CSMD3: variants seen among roughly 807,000 people sequenced by gnomAD.
CSMD3 encodes CUB and Sushi multiple domains 3, also known as CUB and sushi domain-containing protein 3.
In CSMD3, 177 loss-of-function variants were observed where a neutral mutation model predicts 435.2. The observed-to-expected ratio is 0.41, with a 90% confidence interval of 0.36 to 0.46. The LOEUF (loss-of-function observed/expected upper bound fraction) is 0.46, where lower values mean the gene tolerates loss of function less well. Among genes scored for constraint, CSMD3 ranks in the 20% least tolerant of loss-of-function variants. The pLI, the probability that CSMD3 is intolerant of heterozygous loss-of-function variation, is 0.34. For synonymous variants in CSMD3, 1,656 were observed against 1,520.5 expected (o/e 1.09, Z -2.07); for missense variants, 4,265 against 4,504.6 (o/e 0.95, Z 1.52).
chr8:113,417,539 C>T (rs1043379583), intron 1 of CSMD3, among the ~76,000 whole-genome samples: 1 of 151,766 alleles, frequency 6.6e-6, no homozygotes, highest in Non-Finnish European at 1.5e-5. Context: ...TTTTATGCCC[C>T]GAAGAAAACT....
rs775065918 is a variant in CSMD3, at chr8:112,289,440, G to T, written c.9073C>A (p.Arg3025Ser). The T allele has an allele frequency of 6.2e-7, 1 of 1,613,146 alleles. No individual in the cohort carries two copies. Among genetic ancestry groups the T allele is most frequent in the African/African-American group, 1.3e-5 (1 of 74,860 alleles). Residue 3025 changes from arginine to serine, a missense_variant, in exon 57 of 71, where the codon CGT becomes AGT. Coordinates refer to ENST00000297405, the MANE Select transcript of CSMD3 (RefSeq NM_198123.2). ...CTTGATGACTGGCCTAAAAGGGAAC[G>T]CTTTCCTGTGCAGGAATAGTGAACA... is the stretch of plus-strand genomic sequence containing the variant. The part of the protein sequence containing the change: ...STVHYSCTGK[R>S]SLLGQSSRTC...
intron 2 of CSMD3, among the ~76,000 whole-genome samples, chr8:113,283,569 T>C (rs2093626719): frequency 6.6e-6 from 1 of 151,894 alleles, no homozygotes; most frequent in Admixed American, 6.6e-5. Flanking sequence ...AATCAAAAAA[T>C]CAAAAAACCT....
At chr8:112,700,447 G>A (rs2076365095) in intron 13 of CSMD3, among the ~76,000 whole-genome samples, 1 of 152,058 alleles carries the variant, frequency 6.6e-6, no homozygotes, top group Admixed American at 6.6e-5. Context: ...GTTGTAATGA[G>A]GAGAGATTGT....
chr8:113,313,484 G>T (rs1239574451), intron 2 of CSMD3: 1 of 151,930 alleles, frequency 6.6e-6, no homozygotes, highest in Non-Finnish European at 1.5e-5. Flanking sequence ...CCGACACCCG[G>T]CTAATTTTTT....
At chr8:112,509,779 T>A (rs1364363043) in intron 28 of CSMD3, among the ~76,000 whole-genome samples, 1 of 152,156 alleles carries the variant, frequency 6.6e-6, no homozygotes, top group Admixed American at 6.5e-5. Context: ...TTTTTCCTTG[T>A]TGACCATATG....
intron 13 of CSMD3, among the ~76,000 whole-genome samples, chr8:112,745,187 T>A (rs987162557): frequency 6.6e-6 from 1 of 152,040 alleles, no homozygotes; most frequent in African/African-American, 2.4e-5. Flanking sequence ...TACTTAACAC[T>A]GTTGAGTGTT....
chr8:113,349,081 T>TATGTATATACC (rs1357228586), intron 1 of CSMD3, among the ~76,000 whole-genome samples: 43 of 152,258 alleles, frequency 2.8e-4, no homozygotes, highest in African/African-American at 8.4e-4. Context: ...TTTATTTTTA[T>TATGTATATACC]ATGTATATAC....
chr8:112,758,339 G>A lies in CSMD3; in HGVS notation c.1972+41823C>T, dbSNP rs202102661. On this transcript the variant is annotated intron_variant, in intron 13 of 70. Transcript: ENST00000297405. ...TGTACTCCAGCCTGGGTGACAAAGC[G>A]AGACTCCATTTCAAAAAAAAAAAAT... 9.9e-5 allele frequency among the ~76,000 whole-genome samples: 13 copies of A among 131,576 alleles called. No individual in the cohort carries two copies. In the East Asian group the frequency reaches 2.0e-3, roughly 21 times the overall value. 86.3% of individuals were successfully genotyped at this position (131,576 alleles called of 152,430 possible). A position where few individuals can be genotyped will look rare whatever the true frequency, so the allele number is the denominator to read the frequency against.
At chr8:113,297,120 T>G (rs1439211584) in intron 2 of CSMD3, among the ~76,000 whole-genome samples, 2 of 152,112 alleles carry the variant, frequency 1.3e-5, no homozygotes, top group African/African-American at 2.4e-5. Flanking sequence ...TTGTATATAT[T>G]GAATTAAATT....
Position 113,136,895 on chromosome 8 carries a change from C to T in CSMD3, c.709+36827G>A, listed in dbSNP as rs2091431254. Among the ~76,000 whole-genome samples the T allele has an allele frequency of 2.0e-5, 3 of 151,460 alleles. No individual in the cohort carries two copies. The South Asian group carries it at 6.2e-4, about 31-fold the overall frequency. On this transcript the variant is annotated intron_variant, in intron 4 of 70. Transcript: ENST00000297405. The stretch of plus-strand genomic sequence containing the variant: ...GCAGATTTAGTGAAAAAACAACACC[C>T]ATAAGTCAAGCAGACAGCCTATAAA...
chr8:113,341,292 G>C (rs1226094592), intron 1 of CSMD3, among the ~76,000 whole-genome samples: 1 of 152,046 alleles, frequency 6.6e-6, no homozygotes, highest in Non-Finnish European at 1.5e-5. Flanking sequence ...TGTGAAAATA[G>C]AGTACTAGAG....
chr8:113,001,886 G>A (rs184158929), intron 6 of CSMD3, among the ~76,000 whole-genome samples: 3 of 152,006 alleles, frequency 2.0e-5, no homozygotes, highest in African/African-American at 7.2e-5. Context: ...AAAGTACATA[G>A]TACATTGTTA....
chr8:112,602,036 A>T (rs1452331775), intron 22 of CSMD3, among the ~76,000 whole-genome samples: 1 of 152,102 alleles, frequency 6.6e-6, no homozygotes, highest in African/African-American at 2.4e-5. Flanking sequence ...CTTCCTGTGC[A>T]TTTTCTTCTA....
chr8:112,817,564 AGAC>A (rs1207456010), intron 12 of CSMD3, among the ~76,000 whole-genome samples: 2 of 152,112 alleles, frequency 1.3e-5, no homozygotes, highest in Non-Finnish European at 2.9e-5. Context: ...TTTTGTCACT[AGAC>A]GACTCTGAAG....
intron 1 of CSMD3, among the ~76,000 whole-genome samples, chr8:113,370,552 T>G (rs953474345): frequency 6.6e-6 from 1 of 151,982 alleles, no homozygotes; most frequent in Non-Finnish European, 1.5e-5. Context: ...ATTAAGCCAT[T>G]CACAAACACA....
chr8:112,261,625 A>T (rs1816409484), intron 61 of CSMD3, among the ~76,000 whole-genome samples: 1 of 152,068 alleles, frequency 6.6e-6, no homozygotes, highest in South Asian at 2.1e-4. Context: ...ATATTCTTGA[A>T]CATGTCTCCT....
chr8:112,504,365 A>G (rs1822295085), intron 29 of CSMD3, among the ~76,000 whole-genome samples: 1 of 152,106 alleles, frequency 6.6e-6, no homozygotes, highest in Non-Finnish European at 1.5e-5. Flanking sequence ...TGTGGAGGAT[A>G]ATATGTATTT....
At chr8:113,401,448 TG>T (rs1361787143) in intron 1 of CSMD3, among the ~76,000 whole-genome samples, 1 of 151,802 alleles carries the variant, frequency 6.6e-6, no homozygotes, top group East Asian at 1.9e-4. Flanking sequence ...GCATTTAAAT[TG>T]TACACGCTTT....
intron 6 of CSMD3, among the ~76,000 whole-genome samples, chr8:112,999,421 A>G (rs2131061284): frequency 6.6e-6 from 1 of 151,962 alleles, no homozygotes; most frequent in Admixed American, 6.6e-5. Context: ...CAAGGATGCC[A>G]CTGTGTGACA....
Sources: gnomAD v4.1 joint callset for allele counts (sites outside exome capture counted in the v4.1 genomes callset) on GRCh38, gnomAD v4.1.1 for gene constraint, MANE v1.5 for transcripts, NCBI Gene and HGNC (gene_info 2026-07-23, HGNC 2026-07-21) for gene names.